Variants in SIAH3 observed in about 807,000 individuals in gnomAD.
SIAH3 encodes the protein siah E3 ubiquitin protein ligase family member 3, also known as seven in absentia homolog 3.
In SIAH3, 9 loss-of-function variants were observed where a neutral mutation model predicts 12.6. That is an observed-to-expected ratio of 0.72 (90% confidence interval 0.43 to 1.25). SIAH3 has a LOEUF of 1.25. SIAH3 is among the 50% of genes most tolerant of loss of function. The pLI, the probability that SIAH3 is intolerant of heterozygous loss-of-function variation, is 0.00. For missense variants in SIAH3, 390 were observed against 365.4 expected (o/e 1.07, Z -0.55); for synonymous variants, 154 against 151.1 (o/e 1.02, Z -0.14).
At chr13:45,816,902 C>T (rs1950636633) in intron 1 of SIAH3, among the ~76,000 whole-genome samples, 1 of 152,174 alleles carries the variant, frequency 6.6e-6, no homozygotes, top group Non-Finnish European at 1.5e-5. Flanking sequence ...GAACCAGGTA[C>T]TAATGTCATT....
chr13:45,813,129 A>G (rs572029331), intron 1 of SIAH3, among the ~76,000 whole-genome samples: 1 of 151,194 alleles, frequency 6.6e-6, no homozygotes, highest in African/African-American at 2.4e-5. Context: ...CCCGGACCTG[A>G]TGGGAACATG....
Position 45,818,669 on chromosome 13 carries a change from A to G in SIAH3, c.135+32826T>C, listed in dbSNP as rs1950643763. Among the ~76,000 whole-genome samples the G allele has an allele frequency of 3.9e-5, 6 of 152,348 alleles. 1 individual carries two copies. The highest frequency in any genetic ancestry group is 2.1e-4 in the South Asian group (1 of 4,830). ...AAATCTTTCTCTGTTCTGTCTTCAC[A>G]TCACCTTCTCTTCTGTGTGCCTTTG... is the stretch of plus-strand genomic sequence containing the variant. On this transcript the variant is annotated intron_variant, in intron 1 of 1. Transcript: ENST00000400405.
At chr13:45,794,952 C>CT (rs35047520) in intron 1 of SIAH3, among the ~76,000 whole-genome samples, 75,664 of 145,684 alleles carry the variant, frequency 0.52, 20,400 homozygotes, top group African/African-American at 0.64. Context: ...TCACTAGGAC[C>CT]TTTTTTTTTT....
chr13:45,788,589 G>T (rs1245211094), intron 1 of SIAH3, among the ~76,000 whole-genome samples: 1 of 152,148 alleles, frequency 6.6e-6, no homozygotes, highest in Non-Finnish European at 1.5e-5. Flanking sequence ...GGGTGTAATT[G>T]AATTTAAAAA....
At chr13:45,784,468 T>C (rs1950519893) in intron 1 of SIAH3, among the ~76,000 whole-genome samples, 1 of 141,926 alleles carries the variant, frequency 7.0e-6, no homozygotes, top group Admixed American at 7.3e-5. Flanking sequence ...TGGAGGTCAA[T>C]AGATTTTTTT....
chr13:45,847,185 C>G (rs917352459), intron 1 of SIAH3, among the ~76,000 whole-genome samples: 14 of 152,132 alleles, frequency 9.2e-5, no homozygotes, highest in African/African-American at 2.9e-4. Context: ...AACCCACATA[C>G]CAGCTATTAA....
chr13:45,828,856 G>T (rs1200854213), intron 1 of SIAH3, among the ~76,000 whole-genome samples: 1 of 152,126 alleles, frequency 6.6e-6, no homozygotes. Context: ...ACCCATGTGT[G>T]GTTTAAAAGG....
At chr13:45,836,044 G>T (rs541156044) in intron 1 of SIAH3, among the ~76,000 whole-genome samples, 1 of 152,174 alleles carries the variant, frequency 6.6e-6, no homozygotes, top group Non-Finnish European at 1.5e-5. Flanking sequence ...TGGGGATACA[G>T]AGCCCTTGGG....
chr13:45,796,161 TTA>T (rs575524671), intron 1 of SIAH3, among the ~76,000 whole-genome samples: 105 of 151,744 alleles, frequency 6.9e-4, no homozygotes, highest in Non-Finnish European at 1.4e-3. Context: ...ATATGTGATT[TTA>T]TATATATATA....
chr13:45,811,467 G>C (rs77156935), intron 1 of SIAH3, among the ~76,000 whole-genome samples: 2,565 of 152,210 alleles, frequency 0.017, 68 homozygotes, highest in African/African-American at 0.059. Context: ...TTGCCTGAAA[G>C]AGTACTTTTT....
At chr13:45,821,160 T>A (rs1485600191) in intron 1 of SIAH3, among the ~76,000 whole-genome samples, 2 of 152,234 alleles carry the variant, frequency 1.3e-5, no homozygotes, top group Non-Finnish European at 2.9e-5. Context: ...CTAATATGAC[T>A]GGTGTCTTTG....
intron 1 of SIAH3, among the ~76,000 whole-genome samples, chr13:45,820,395 C>A (rs568605260): frequency 6.6e-6 from 1 of 152,162 alleles, no homozygotes; most frequent in Non-Finnish European, 1.5e-5. Context: ...CCAGGGGCTG[C>A]GTCTCCTCAC....
chr13:45,798,959 C>T (rs546537265), intron 1 of SIAH3, among the ~76,000 whole-genome samples: 4 of 152,330 alleles, frequency 2.6e-5, no homozygotes, highest in South Asian at 2.1e-4. Context: ...GACAAGTCCT[C>T]CATCCCAGAT....
At chr13:45,806,169 A>G (rs1031961662) in intron 1 of SIAH3, among the ~76,000 whole-genome samples, 5 of 152,210 alleles carry the variant, frequency 3.3e-5, no homozygotes, top group African/African-American at 9.6e-5. Flanking sequence ...GATTTCTCAA[A>G]TAATTTAAAA....
chr13:45,805,976 A>C (rs145854500), intron 1 of SIAH3, among the ~76,000 whole-genome samples: 6 of 152,312 alleles, frequency 3.9e-5, no homozygotes, highest in African/African-American at 1.4e-4. Context: ...AATAATCCTC[A>C]ACATCATTAA....
chr13:45,829,681 C>T (rs2137575693), intron 1 of SIAH3, among the ~76,000 whole-genome samples: 1 of 152,254 alleles, frequency 6.6e-6, no homozygotes, highest in South Asian at 2.1e-4. Context: ...TGCGCTCCCG[C>T]CCCCAGAGAT....
At chr13:45,848,299 G>A (rs1006719974) in intron 1 of SIAH3, among the ~76,000 whole-genome samples, 2 of 152,214 alleles carry the variant, frequency 1.3e-5, no homozygotes, top group African/African-American at 2.4e-5. Context: ...GACAGAGACA[G>A]GCAGAGACTG....
intron 1 of SIAH3, among the ~76,000 whole-genome samples, chr13:45,831,179 AAAATAAATAAATAAAT>A (rs200362215): frequency 4.7e-4 from 67 of 142,662 alleles, no homozygotes; most frequent in South Asian, 6.8e-4. Context: ...ACTGTGCCTC[AAAATAAATAAATAAAT>A]AAATAAATAA....
At chr13:45,840,202 G>A (rs1245412552) in intron 1 of SIAH3, among the ~76,000 whole-genome samples, 1 of 152,094 alleles carries the variant, frequency 6.6e-6, no homozygotes, top group Non-Finnish European at 1.5e-5. Context: ...AGATTGCAGT[G>A]AGTTGAGATC....
Sources: allele counts gnomAD v4.1 joint callset (sites outside exome capture counted in the v4.1 genomes callset), GRCh38; gene constraint gnomAD v4.1.1; transcripts MANE v1.5; gene names NCBI Gene and HGNC (gene_info 2026-07-23, HGNC 2026-07-21).